Variants in DPP6 observed in about 807,000 individuals in gnomAD.
DPP6 encodes the protein A-type potassium channel modulatory protein DPP6.
DPP6 carries 69 observed loss-of-function variants against 122.6 expected under a neutral mutation model. The ratio of observed to expected loss-of-function variants is 0.56; its 90% CI spans 0.46 to 0.69. DPP6 has a LOEUF of 0.69. DPP6 is among the 30% of genes least tolerant of loss of function. The pLI is 0.00. For synonymous variants in DPP6, 418 were observed against 433.1 expected, an observed-to-expected ratio of 0.97 and a Z score of 0.43; for missense variants, 928 against 1,116.9, an observed-to-expected ratio of 0.83 and a Z score of 2.41.
intron 1 of DPP6, among the ~76,000 whole-genome samples, chr7:154,198,400 C>G (rs1255373939): frequency 6.6e-6 from 1 of 152,072 alleles, no homozygotes; most frequent in African/African-American, 2.4e-5. Context: ...CAACCTCCAC[C>G]TCCTGGGTTC....
chr7:154,656,250 T>G (rs1205352557), intron 6 of DPP6, among the ~76,000 whole-genome samples: 1 of 6,150 alleles, frequency 1.6e-4, no homozygotes, highest in African/African-American at 5.3e-4. Flanking sequence ...GAGAGGGAGG[T>G]GGGGGGAGAG....
the DPP6 span, among the ~76,000 whole-genome samples, chr7:153,787,098 C>G: frequency 7.0e-6 from 1 of 142,888 alleles, no homozygotes; most frequent in South Asian, 2.4e-4. Context: ...ACTACAGGTG[C>G]CCACGACCAC....
At chr7:153,857,322 TTCTCTCTCTC>T in the DPP6 span, among the ~76,000 whole-genome samples, 180 of 124,458 alleles carry the variant, frequency 1.4e-3, 1 homozygote, top group African/African-American at 4.5e-3. Context: ...CTCAAAGGTT[TTCTCTCTCTC>T]TCTCTCTCTC....
intron 1 of DPP6, among the ~76,000 whole-genome samples, chr7:153,932,585 C>T (rs1200145799): frequency 6.6e-6 from 1 of 152,150 alleles, no homozygotes; most frequent in Non-Finnish European, 1.5e-5. Context: ...CAAGAACAAA[C>T]AAGATTGAGA....
chr7:154,061,226 G>A (rs550154642), intron 1 of DPP6, among the ~76,000 whole-genome samples: 73 of 149,372 alleles, frequency 4.9e-4, no homozygotes, highest in African/African-American at 1.7e-3. Context: ...GTCACAAAGG[G>A]GGCGGGGACC....
chr7:153,842,964 A>C, the DPP6 span, among the ~76,000 whole-genome samples: 1 of 152,130 alleles, frequency 6.6e-6, no homozygotes, highest in African/African-American at 2.4e-5. Context: ...GCCCCCACTC[A>C]CCCACCTGCG....
intron 2 of DPP6, among the ~76,000 whole-genome samples, chr7:154,467,512 T>C (rs1238559850): frequency 6.6e-6 from 1 of 152,208 alleles, no homozygotes; most frequent in African/African-American, 2.4e-5. Context: ...GGGTGCTTGC[T>C]TCCCCTTTTC....
chr7:154,250,154 G>A (rs926445183), intron 1 of DPP6, among the ~76,000 whole-genome samples: 21 of 152,084 alleles, frequency 1.4e-4, no homozygotes, highest in African/African-American at 4.1e-4. Flanking sequence ...CTCCCTTAGA[G>A]TTGTGAGCCC....
the DPP6 span, among the ~76,000 whole-genome samples, chr7:153,876,325 C>T: frequency 1.3e-5 from 2 of 151,910 alleles, no homozygotes; most frequent in Non-Finnish European, 2.9e-5. Context: ...AATACTACAT[C>T]TGTCATTTCA....
chr7:153,783,858 G>A, the DPP6 span, among the ~76,000 whole-genome samples: 4 of 152,168 alleles, frequency 2.6e-5, no homozygotes, highest in Admixed American at 6.5e-5. Context: ...CCCCAAGTTG[G>A]AAACAATGTT....
chr7:154,713,012 T>C (rs374990092), intron 7 of DPP6, among the ~76,000 whole-genome samples: 98 of 152,310 alleles, frequency 6.4e-4, no homozygotes, highest in African/African-American at 2.3e-3. Context: ...ACTTCCTAGA[T>C]ACAATGGGGG....
chr7:154,885,378 G>T (rs369524113), intron 21 of DPP6: 17 of 463,788 alleles, frequency 3.7e-5, no homozygotes, highest in South Asian at 3.6e-4. Flanking sequence ...ATTCGCCGTT[G>T]CATTTCATCC....
chr7:154,808,631 C>A (rs997933300), intron 16 of DPP6, among the ~76,000 whole-genome samples: 2 of 152,180 alleles, frequency 1.3e-5, no homozygotes, highest in African/African-American at 4.8e-5. Context: ...GGGCCAGCAT[C>A]AAGGTCTCCC....
At chr7:154,496,979 A>G (rs1312392039) in intron 3 of DPP6, among the ~76,000 whole-genome samples, 2 of 152,184 alleles carry the variant, frequency 1.3e-5, no homozygotes, top group Non-Finnish European at 2.9e-5. Context: ...TCACTCATGC[A>G]GCATTGTGTT....
the DPP6 span, among the ~76,000 whole-genome samples, chr7:153,754,032 T>C: frequency 2.6e-5 from 4 of 152,224 alleles, no homozygotes; most frequent in Admixed American, 2.6e-4. Flanking sequence ...TGTCAGCCTC[T>C]ACCCACAGGA....
chr7:154,632,288 C>T (rs941583858), intron 5 of DPP6, among the ~76,000 whole-genome samples: 1 of 152,128 alleles, frequency 6.6e-6, no homozygotes, highest in Non-Finnish European at 1.5e-5. Flanking sequence ...CGTGACTTAA[C>T]GGTAGCTTCT....
exon 1 of DPP6, chr7:153,887,338 T>C: frequency 5.2e-6 from 1 of 193,576 alleles, no homozygotes; most frequent in Non-Finnish European, 1.1e-5. Context: ...ACGCGCGCAG[T>C]CAGAGCTGCC....
At chr7:154,704,622 A>G (rs1458473590) in intron 7 of DPP6, among the ~76,000 whole-genome samples, 1 of 152,230 alleles carries the variant, frequency 6.6e-6, no homozygotes, top group African/African-American at 2.4e-5. Flanking sequence ...ATCAACATCA[A>G]GGCAACACCA....
chr7:154,563,441 A>G (rs765085387), intron 4 of DPP6, among the ~76,000 whole-genome samples: 4 of 152,200 alleles, frequency 2.6e-5, no homozygotes, highest in Admixed American at 1.3e-4. Flanking sequence ...TGTGATTTAC[A>G]TATTTGAGAG....
Sources: gnomAD v4.1 joint callset for allele counts (sites outside exome capture counted in the v4.1 genomes callset) on GRCh38, gnomAD v4.1.1 for gene constraint, MANE v1.5 for transcripts, NCBI Gene and HGNC (gene_info 2026-07-23, HGNC 2026-07-21) for gene names.